Variants in OR2L13 observed in about 807,000 individuals in gnomAD.
OR2L13 encodes the protein olfactory receptor family 2 subfamily L member 13, also known as olfactory receptor 2L13.
Under a neutral mutation model 15.3 loss-of-function variants are expected in OR2L13, and 14 were observed. The observed-to-expected ratio is 0.91, with a 90% CI of 0.60 to 1.43. The LOEUF (loss-of-function observed/expected upper bound fraction) is 1.43. OR2L13 is among the 40% of genes most tolerant of loss of function. The pLI, the probability that OR2L13 is intolerant of heterozygous loss-of-function variation, is 0.00. For missense variants in OR2L13, 367 were observed against 387.9 expected (o/e 0.95, Z 0.45); for synonymous variants, 152 against 142.9 (o/e 1.06, Z -0.45).
At chr1:248,100,886 A>C (rs1664845654) in exon 3 of OR2L13, 1 of 166,106 alleles carries the variant, frequency 6.0e-6, no homozygotes, top group Admixed American at 6.5e-5. Flanking sequence ...TTGCTGATGA[A>C]CTGAAAATTA....
the OR2L13 span, among the ~76,000 whole-genome samples, chr1:247,953,862 T>G: frequency 1.3e-5 from 2 of 152,162 alleles, no homozygotes; most frequent in African/African-American, 4.8e-5. Context: ...ACTCTTATTT[T>G]TCACTATCTT....
At chr1:247,978,054 G>A in the OR2L13 span, among the ~76,000 whole-genome samples, 5 of 152,162 alleles carry the variant, frequency 3.3e-5, no homozygotes, top group African/African-American at 1.2e-4. Flanking sequence ...GGGTCGGGTG[G>A]GGACTTAGGA....
chr1:248,003,706 G>T, the OR2L13 span: 15 of 1,613,240 alleles, frequency 9.3e-6, no homozygotes, highest in East Asian at 1.1e-4. Context: ...TGGACACCTG[G>T]GTCTATGAGG....
the OR2L13 span, among the ~76,000 whole-genome samples, chr1:248,085,869 A>G: frequency 6.6e-6 from 1 of 152,138 alleles, no homozygotes; most frequent in Non-Finnish European, 1.5e-5. Flanking sequence ...CGTGCAGTTC[A>G]CAATAGGGCT....
the OR2L13 span, chr1:248,060,644 CT>C: frequency 7.9e-6 from 12 of 1,528,418 alleles, no homozygotes; most frequent in South Asian, 1.2e-5. Flanking sequence ...TTAACTTACC[CT>C]TGTGTCTCCC....
the OR2L13 span, among the ~76,000 whole-genome samples, chr1:248,027,448 C>G: frequency 6.6e-6 from 1 of 152,106 alleles, no homozygotes; most frequent in African/African-American, 2.4e-5. Context: ...TGACCCACAC[C>G]CTATTTGTAC....
chr1:248,068,507 T>C, the OR2L13 span, among the ~76,000 whole-genome samples: 1 of 151,880 alleles, frequency 6.6e-6, no homozygotes, highest in Non-Finnish European at 1.5e-5. Context: ...TACATCACCA[T>C]CATCAAAGAC....
chr1:248,055,156 C>G, the OR2L13 span, among the ~76,000 whole-genome samples: 1 of 151,940 alleles, frequency 6.6e-6, no homozygotes, highest in East Asian at 1.9e-4. Flanking sequence ...GAAGGGAAGT[C>G]GAATTTTTTT....
chr1:248,015,494 G>T, the OR2L13 span, among the ~76,000 whole-genome samples: 5,637 of 152,156 alleles, frequency 0.037, 311 homozygotes, highest in African/African-American at 0.13. Flanking sequence ...GCTGACTTAC[G>T]AAGTCAATGA....
the OR2L13 span, among the ~76,000 whole-genome samples, chr1:247,984,777 C>T: frequency 3.3e-5 from 5 of 152,098 alleles, no homozygotes; most frequent in African/African-American, 7.2e-5. Context: ...GTGTGGAATT[C>T]GGTGGCACTA....
At chr1:247,956,171 G>A in the OR2L13 span, among the ~76,000 whole-genome samples, 1 of 151,176 alleles carries the variant, frequency 6.6e-6, no homozygotes, top group Non-Finnish European at 1.5e-5. Context: ...TGGCTAGCCA[G>A]TTTTCCCAGC....
the OR2L13 span, among the ~76,000 whole-genome samples, chr1:247,944,332 A>T: frequency 1.1e-4 from 17 of 152,126 alleles, no homozygotes; most frequent in African/African-American, 4.1e-4. Flanking sequence ...TTCAGGGTAC[A>T]TATGCAGGAT....
chr1:248,075,237 G>A, the OR2L13 span, among the ~76,000 whole-genome samples: 5 of 152,206 alleles, frequency 3.3e-5, no homozygotes, highest in Non-Finnish European at 7.3e-5. Context: ...ATTCCATGGT[G>A]TATATGTGCC....
chr1:248,089,154 G>A, the OR2L13 span, among the ~76,000 whole-genome samples: 6 of 152,094 alleles, frequency 3.9e-5, no homozygotes, highest in Non-Finnish European at 7.3e-5. Context: ...TATATAACTG[G>A]CTGGAACGAA....
the OR2L13 span, chr1:247,939,716 GTCTT>G: frequency 1.3e-5 from 2 of 152,060 alleles, no homozygotes; most frequent in Admixed American, 6.5e-5. Flanking sequence ...CGAACCTTCT[GTCTT>G]TCTAAGTGTA....
chr1:248,036,058 T>C, the OR2L13 span, among the ~76,000 whole-genome samples: 2 of 152,200 alleles, frequency 1.3e-5, no homozygotes, highest in Non-Finnish European at 2.9e-5. Context: ...ACTAAAAATA[T>C]TTCTCACTTA....
chr1:248,037,733 C>T, the OR2L13 span, among the ~76,000 whole-genome samples: 1 of 152,204 alleles, frequency 6.6e-6, no homozygotes, highest in African/African-American at 2.4e-5. Flanking sequence ...GTAGTCCCCT[C>T]TCATTCACTG....
the OR2L13 span, among the ~76,000 whole-genome samples, chr1:247,974,146 G>C: frequency 6.6e-6 from 1 of 152,270 alleles, no homozygotes; most frequent in South Asian, 2.1e-4. Flanking sequence ...GATGAAGCTG[G>C]AAACCATCAT....
the OR2L13 span, among the ~76,000 whole-genome samples, chr1:248,019,157 T>G: frequency 2.0e-5 from 3 of 152,192 alleles, no homozygotes; most frequent in African/African-American, 7.2e-5. Context: ...AGAAGTTAAA[T>G]AGCTGGAGCA....
Sources: allele counts gnomAD v4.1 joint callset (sites outside exome capture counted in the v4.1 genomes callset), GRCh38; gene constraint gnomAD v4.1.1; transcripts MANE v1.5; gene names NCBI Gene and HGNC (gene_info 2026-07-23, HGNC 2026-07-21).